DNM3: variants seen among roughly 807,000 people sequenced by gnomAD.
DNM3 encodes the protein dynamin-3.
Under a neutral mutation model 101.6 loss-of-function variants are expected in DNM3, and 47 were observed. That is an observed-to-expected ratio of 0.46 (90% CI 0.37 to 0.59). DNM3 has a LOEUF of 0.59. DNM3 is among the 20% of genes least tolerant of loss of function. The probability of loss-of-function intolerance (pLI) is 0.00; values close to 1 mark genes in which losing one functional copy is unlikely to be tolerated. For missense variants in DNM3, 849 were observed against 1,085.7 expected (o/e 0.78, Z 3.06); for synonymous variants, 385 against 387.9 (o/e 0.99, Z 0.09).
chr1:172,147,077 G>C (rs528068253), intron 14 of DNM3, among the ~76,000 whole-genome samples: 3 of 152,088 alleles, frequency 2.0e-5, no homozygotes, highest in Non-Finnish European at 2.9e-5. Flanking sequence ...CCAGTTAACT[G>C]AAGTGTTTGT....
chr1:172,365,074 G>T (rs182134854), intron 17 of DNM3, among the ~76,000 whole-genome samples: 1 of 151,726 alleles, frequency 6.6e-6, no homozygotes. Context: ...GACTTATTTC[G>T]ATTCAAACTC....
chr1:172,019,791 TC>T (rs2047707650), intron 4 of DNM3, among the ~76,000 whole-genome samples: 1 of 152,182 alleles, frequency 6.6e-6, no homozygotes, highest in Non-Finnish European at 1.5e-5. Context: ...TTTCTATTAG[TC>T]TTTTTGATCT....
At chr1:172,017,324 A>G (rs1444151005) in intron 4 of DNM3, among the ~76,000 whole-genome samples, 5 of 151,922 alleles carry the variant, frequency 3.3e-5, no homozygotes, top group Non-Finnish European at 1.5e-5. Context: ...CTTTTTTTCT[A>G]ATATCTTATT....
At chr1:172,234,183 T>A (rs1303535995) in intron 14 of DNM3, among the ~76,000 whole-genome samples, 2 of 152,166 alleles carry the variant, frequency 1.3e-5, no homozygotes, top group Non-Finnish European at 1.5e-5. Flanking sequence ...GATAAGCAAC[T>A]TCAGCAAAGT....
chr1:172,083,079 G>A (rs1351707559), intron 12 of DNM3, among the ~76,000 whole-genome samples: 2 of 152,194 alleles, frequency 1.3e-5, no homozygotes, highest in Admixed American at 6.5e-5. Context: ...TGCTGCACAG[G>A]CATTTCGCAC....
chr1:172,140,012 A>G (rs1011141801), intron 14 of DNM3: 1 of 152,060 alleles, frequency 6.6e-6, no homozygotes, highest in African/African-American at 2.4e-5. Flanking sequence ...CACCAAAAAA[A>G]CACAGTATTG....
intron 2 of DNM3, chr1:171,987,435 C>A: frequency 1.5e-6 from 1 of 673,250 alleles, no homozygotes; most frequent in Non-Finnish European, 1.8e-6. Flanking sequence ...TATTTAATTG[C>A]TTATCTGAAA....
chr1:172,045,778 C>T (rs912717261), intron 9 of DNM3, among the ~76,000 whole-genome samples: 3 of 152,156 alleles, frequency 2.0e-5, no homozygotes, highest in African/African-American at 7.2e-5. Context: ...AAGGAGGTGG[C>T]CCCTGCCTGT....
At chr1:171,958,671 T>C (rs956409354) in intron 2 of DNM3, among the ~76,000 whole-genome samples, 1 of 152,068 alleles carries the variant, frequency 6.6e-6, no homozygotes, top group Non-Finnish European at 1.5e-5. Flanking sequence ...CATGGCAAGA[T>C]TTGGGGTGTG....
At chr1:171,891,978 C>T (rs142156443) in intron 1 of DNM3, among the ~76,000 whole-genome samples, 145 of 152,246 alleles carry the variant, frequency 9.5e-4, no homozygotes, top group African/African-American at 3.0e-3. Context: ...AACTCATCTG[C>T]GTGGGAGTTT....
chr1:172,390,469 G>A (rs2069460409), intron 20 of DNM3, among the ~76,000 whole-genome samples: 1 of 152,030 alleles, frequency 6.6e-6, no homozygotes, highest in African/African-American at 2.4e-5. Flanking sequence ...TTTTTGTTGT[G>A]GAGGGCTGTC....
chr1:172,075,034 C>T (rs1309399398), intron 11 of DNM3, among the ~76,000 whole-genome samples: 1 of 152,138 alleles, frequency 6.6e-6, no homozygotes, highest in East Asian at 1.9e-4. Flanking sequence ...GGTATCTCCT[C>T]ATTGTGGTTT....
chr1:172,233,463 A>G (rs1328240341), intron 14 of DNM3, among the ~76,000 whole-genome samples: 2 of 152,340 alleles, frequency 1.3e-5, no homozygotes, highest in East Asian at 3.9e-4. Flanking sequence ...CCAGAGGTAC[A>G]AGGAGGAACT....
At chr1:171,921,956 G>A in intron 2 of DNM3, 135 bp downstream of exon 2, 1 of 659,776 alleles carries the variant, frequency 1.5e-6, no homozygotes, top group Admixed American at 2.6e-5. Flanking sequence ...TTTCTCTCCA[G>A]AATGCTGCCT....
Position 172,219,630 on chromosome 1 carries a change from G to A in DNM3, c.1660-33943G>A, listed in dbSNP as rs535378391. The stretch of plus-strand genomic sequence containing the variant: ...CAAGGGAGCCTTCACAGAGGTGCTG[G>A]ACCTTTTTAGAACGCAAAAGACTCA... On this transcript the variant is annotated intron_variant, in intron 14 of 20. Coordinates refer to ENST00000627582, the MANE Select transcript of DNM3 (RefSeq NM_015569.5). Among the ~76,000 whole-genome samples the A allele has an allele frequency of 2.6e-5, 4 of 152,150 alleles. No individual in the cohort carries two copies. The South Asian group carries it at 6.2e-4, about 24-fold the overall frequency.
At chr1:171,925,955 A>G (rs899547671) in intron 2 of DNM3, among the ~76,000 whole-genome samples, 13 of 152,190 alleles carry the variant, frequency 8.5e-5, no homozygotes, top group African/African-American at 3.1e-4. Context: ...CCATTTATTG[A>G]GTAGGATGTT....
chr1:172,337,254 G>T (rs1317475113), intron 17 of DNM3, among the ~76,000 whole-genome samples: 1 of 152,044 alleles, frequency 6.6e-6, no homozygotes, highest in East Asian at 1.9e-4. Flanking sequence ...ATTTGTTTGT[G>T]GCCTGGCATC....
chr1:172,255,812 G>A (rs2062374555), intron 15 of DNM3, among the ~76,000 whole-genome samples: 1 of 152,080 alleles, frequency 6.6e-6, no homozygotes, highest in East Asian at 1.9e-4. Flanking sequence ...CTCATTTTAA[G>A]GCTAATTTAA....
At chr1:172,332,489 T>C (rs2066232208) in intron 17 of DNM3, among the ~76,000 whole-genome samples, 2 of 152,170 alleles carry the variant, frequency 1.3e-5, no homozygotes, top group Non-Finnish European at 2.9e-5. Flanking sequence ...TTTTGTATTT[T>C]AGTACAGATG....
Sources: gnomAD v4.1 joint callset for allele counts (sites outside exome capture counted in the v4.1 genomes callset) on GRCh38, gnomAD v4.1.1 for gene constraint, MANE v1.5 for transcripts, NCBI Gene and HGNC (gene_info 2026-07-23, HGNC 2026-07-21) for gene names.